RBMS3: variants seen among roughly 807,000 people sequenced by gnomAD.
The protein encoded by RBMS3 is RNA binding motif single stranded interacting protein 3.
RBMS3 carries 27 observed loss-of-function variants against 66.8 expected under a neutral mutation model. The observed-to-expected ratio is 0.40, with a 90% CI of 0.30 to 0.56. RBMS3 has a LOEUF of 0.56. RBMS3 is among the 20% of genes least tolerant of loss of function. The probability of loss-of-function intolerance (pLI) is 0.40; values close to 1 mark genes in which losing one functional copy is unlikely to be tolerated. For missense variants in RBMS3, 513 were observed against 549.5 expected (o/e 0.93, Z 0.66); for synonymous variants, 188 against 183.0 (o/e 1.03, Z -0.22).
At chr3:29,392,857 C>T (rs1016547568) in intron 1 of RBMS3, among the ~76,000 whole-genome samples, 8 of 151,758 alleles carry the variant, frequency 5.3e-5, no homozygotes, top group Non-Finnish European at 7.4e-5. Flanking sequence ...AGTCACTTCA[C>T]TGCAGTTGCC....
intron 1 of RBMS3, among the ~76,000 whole-genome samples, chr3:29,432,615 T>C (rs1029702364): frequency 1.3e-5 from 2 of 152,170 alleles, no homozygotes; most frequent in African/African-American, 2.4e-5. Flanking sequence ...GCTACATACA[T>C]GACATACTCA....
At chr3:29,600,201 G>A (rs1457992888) in intron 4 of RBMS3, among the ~76,000 whole-genome samples, 1 of 152,052 alleles carries the variant, frequency 6.6e-6, no homozygotes, top group Non-Finnish European at 1.5e-5. Flanking sequence ...CAAAGGTGCA[G>A]AATGCCAATA....
chr3:29,431,433 T>C (rs1373013916), intron 1 of RBMS3, among the ~76,000 whole-genome samples: 3 of 151,528 alleles, frequency 2.0e-5, no homozygotes, highest in East Asian at 3.9e-4. Context: ...GCTGGGATTA[T>C]AGGCACATAC....
rs185084747 is a variant in RBMS3 at position 29,387,657 on chromosome 3, C to G, written c.76-47086C>G. On this transcript the variant is annotated intron_variant, in intron 1 of 14. Coordinates refer to ENST00000383767, the MANE Select transcript of RBMS3 (RefSeq NM_001003793.3). ...GTGGCTCACACCTGTAATCCCAGCA[C>G]TTTGGGAGGCCAAGGTGGGCGGATC... Among the ~76,000 whole-genome samples, 232 of 152,250 alleles carry G rather than the reference C, an allele frequency of 1.5e-3. 1 individual carries two copies. The highest frequency in any genetic ancestry group is 5.4e-3 in the African/African-American group (224 of 41,546).
At chr3:29,737,392 A>T (rs946763517) in intron 4 of RBMS3, among the ~76,000 whole-genome samples, 2 of 152,208 alleles carry the variant, frequency 1.3e-5, no homozygotes, top group Non-Finnish European at 1.5e-5. Flanking sequence ...TGGTGTTTCA[A>T]ATAATTGAAG....
intron 2 of RBMS3, among the ~76,000 whole-genome samples, chr3:29,480,566 A>G (rs905851752): frequency 6.6e-5 from 10 of 152,332 alleles, no homozygotes; most frequent in African/African-American, 2.2e-4. Flanking sequence ...CAAGAAGTCA[A>G]TGCTAGTAAC....
At chr3:29,867,273 G>A (rs917628782) in intron 6 of RBMS3, among the ~76,000 whole-genome samples, 2 of 151,750 alleles carry the variant, frequency 1.3e-5, no homozygotes, top group African/African-American at 4.8e-5. Context: ...TGGGTGTTGG[G>A]GAAGTTGTCA....
At chr3:29,797,530 T>C (rs2149437170) in intron 6 of RBMS3, 1 of 152,330 alleles carries the variant, frequency 6.6e-6, no homozygotes, top group South Asian at 2.1e-4. Flanking sequence ...AGTTGCATTT[T>C]CAATTTTCAT....
intron 4 of RBMS3, among the ~76,000 whole-genome samples, chr3:29,623,171 T>TGGG (rs57405166): frequency 2.7e-4 from 29 of 107,956 alleles, no homozygotes; most frequent in Admixed American, 1.5e-3. Flanking sequence ...TAAATTAACT[T>TGGG]GGGGGGGGGG....
chr3:29,452,178 C>T (rs903048780), intron 2 of RBMS3, among the ~76,000 whole-genome samples: 2 of 152,150 alleles, frequency 1.3e-5, no homozygotes, highest in African/African-American at 4.8e-5. Context: ...CAATATATGG[C>T]TCCCTCTCAA....
chr3:29,785,453 A>G (rs138675305), intron 6 of RBMS3, among the ~76,000 whole-genome samples: 168 of 152,214 alleles, frequency 1.1e-3, no homozygotes, highest in African/African-American at 3.9e-3. Context: ...TTCATATGGA[A>G]CAAAACAAGA....
chr3:29,451,233 G>C (rs994072874), intron 2 of RBMS3, among the ~76,000 whole-genome samples: 4 of 152,180 alleles, frequency 2.6e-5, no homozygotes, highest in African/African-American at 9.7e-5. Context: ...ATTTGTGTTA[G>C]TACATGTTTG....
intron 8 of RBMS3, among the ~76,000 whole-genome samples, chr3:29,886,486 T>A (rs143488581): frequency 6.6e-6 from 1 of 151,948 alleles, no homozygotes; most frequent in African/African-American, 2.4e-5. Flanking sequence ...TTATCCAGGA[T>A]GACTTAGTTT....
rs560449540 is a variant in RBMS3, at chr3:29,582,500, C to T, written c.308-4614C>T. 3.0e-3 allele frequency among the ~76,000 whole-genome samples: 454 copies of T among 152,240 alleles called. 8 individuals are homozygous for T. The South Asian group carries it at 0.032, about 11-fold the overall frequency. On this transcript the variant is annotated intron_variant, in intron 3 of 14. Coordinates refer to ENST00000383767, the MANE Select transcript of RBMS3 (RefSeq NM_001003793.3). ...AGTTTTAATTCATTTGAACCTGCTG[C>T]CAAGCTTAATTATGTAATTGAGAGA...
chr3:29,644,043 T>G (rs562454506), intron 4 of RBMS3, among the ~76,000 whole-genome samples: 1 of 152,320 alleles, frequency 6.6e-6, no homozygotes, highest in Non-Finnish European at 1.5e-5. Context: ...ACCCCCAGCT[T>G]TCAAACATTT....
At chr3:29,891,051 T>C (rs1237740698) in intron 8 of RBMS3, among the ~76,000 whole-genome samples, 1 of 151,638 alleles carries the variant, frequency 6.6e-6, no homozygotes, top group Non-Finnish European at 1.5e-5. Flanking sequence ...TGGAATCCTG[T>C]AACAGTAAAC....
chr3:29,331,815 CT>C (rs11354452), intron 1 of RBMS3, among the ~76,000 whole-genome samples: 23,278 of 69,746 alleles, frequency 0.33, 2,917 homozygotes, highest in East Asian at 0.57. Flanking sequence ...AGGATAGCTC[CT>C]TTTTTTTTTT....
chr3:29,944,322 CAA>C, intron 12 of RBMS3, 68 bp downstream of exon 12: 1 of 1,376,804 alleles, frequency 7.3e-7, no homozygotes, highest in South Asian at 1.2e-5. Flanking sequence ...GGTTTTTTCC[CAA>C]ACTCTTTAAA....
At chr3:29,404,967 TATAATG>T (rs1400325552) in intron 1 of RBMS3, among the ~76,000 whole-genome samples, 1 of 152,100 alleles carries the variant, frequency 6.6e-6, no homozygotes, top group East Asian at 1.9e-4. Context: ...CTTTCTGAAT[TATAATG>T]AATGGTAATA....
Sources: gnomAD v4.1 joint callset for allele counts (sites outside exome capture counted in the v4.1 genomes callset) on GRCh38, gnomAD v4.1.1 for gene constraint, MANE v1.5 for transcripts, NCBI Gene and HGNC (gene_info 2026-07-23, HGNC 2026-07-21) for gene names.